The following DACH2 variants were observed in gnomAD, a reference collection of about 807,000 sequenced individuals.
DACH2 encodes dachshund homolog 2.
A neutral mutation model predicts 35.8 loss-of-function variants in DACH2; 17 were observed. The observed-to-expected ratio is 0.48, with a 90% confidence interval of 0.33 to 0.71. The LOEUF (loss-of-function observed/expected upper bound fraction) is 0.71, where lower values mean the gene tolerates loss of function less well. Among genes scored for constraint, DACH2 ranks in the 30% least tolerant of loss-of-function variants. DACH2 has a pLI of 0.02. For synonymous variants in DACH2, 195 were observed against 177.3 expected (o/e 1.10, Z -0.79); for missense variants, 469 against 472.7 (o/e 0.99, Z 0.07).
intron 2 of DACH2, among the ~76,000 whole-genome samples, chrX:86,393,141 T>C (rs2036228795): frequency 9.0e-6 from 1 of 111,427 alleles, no homozygotes; most frequent in African/African-American, 3.3e-5. Context: ...ATCTTTTAAA[T>C]CTTAAGCTAC....
At chrX:86,756,577 T>C (rs190248542) in intron 7 of DACH2, among the ~76,000 whole-genome samples, 120 of 110,979 alleles carry the variant, frequency 1.1e-3, no homozygotes, top group African/African-American at 3.8e-3. Flanking sequence ...TATTTTTGCA[T>C]GCTAATTTTT....
chrX:86,174,216 G>A (rs370391135), intron 1 of DACH2, among the ~76,000 whole-genome samples: 5 of 102,370 alleles, frequency 4.9e-5, no homozygotes, highest in African/African-American at 1.4e-4. Flanking sequence ...TTGAATTCCC[G>A]AGCTCAAGCG....
intron 1 of DACH2, among the ~76,000 whole-genome samples, chrX:86,269,644 T>G (rs2033776555): frequency 9.0e-6 from 1 of 111,557 alleles, no homozygotes; most frequent in Non-Finnish European, 1.9e-5. Context: ...GAGGAAATTT[T>G]CTGAAGAAGA....
intron 1 of DACH2, among the ~76,000 whole-genome samples, chrX:86,371,723 T>C (rs866046613): frequency 9.0e-5 from 10 of 111,030 alleles, no homozygotes; most frequent in Middle Eastern, 4.6e-3. Context: ...AGTTATCATC[T>C]AAGAGTGAGG....
At chrX:86,283,869 T>TACAC (rs780423253) in intron 1 of DACH2, among the ~76,000 whole-genome samples, 1,599 of 54,991 alleles carry the variant, frequency 0.029, 49 homozygotes, top group Admixed American at 0.18. Context: ...ACTTAAAGTA[T>TACAC]ATACACACAC....
chrX:86,619,097 G>A (rs1426720474), intron 3 of DACH2, among the ~76,000 whole-genome samples: 1 of 111,808 alleles, frequency 8.9e-6, no homozygotes, highest in Non-Finnish European at 1.9e-5. Flanking sequence ...TTTTAACAAT[G>A]TTTGCACAGA....
chrX:86,661,690 G>C (rs1376615538), intron 4 of DACH2, among the ~76,000 whole-genome samples: 12 of 112,164 alleles, frequency 1.1e-4, no homozygotes, highest in Non-Finnish European at 1.3e-4. Context: ...ATTTCTCTGG[G>C]ATATATACCA....
rs564210858 is a variant in DACH2 at position 86,181,938 on chromosome X, A to G, written c.488+32830A>G. 2.7e-5 allele frequency among the ~76,000 whole-genome samples: 3 copies of G among 112,432 alleles called. No homozygotes were observed. In the Admixed American group the frequency reaches 2.8e-4, roughly 11 times the overall value. ...ATTTGCATTTCTCTAATGACCAGTG[A>G]TGATGAGCTTTTTTTCATATGTTCA... is the stretch of plus-strand genomic sequence containing the variant. On this transcript the variant is annotated intron_variant, in intron 1 of 11. Transcript: ENST00000373125.
At chrX:86,308,144 T>G (rs1192950641) in intron 1 of DACH2, among the ~76,000 whole-genome samples, 3 of 111,902 alleles carry the variant, frequency 2.7e-5, no homozygotes, top group African/African-American at 9.7e-5. Context: ...CCTGGGAGGG[T>G]CCAGAAGATA....
chrX:86,827,876 T>TA lies in DACH2; in HGVS notation c.1751-4226dup, dbSNP rs997388953. 9 of 912,925 alleles carry TA rather than the reference T, an allele frequency of 9.9e-6. No individual in the cohort carries two copies. The African/African-American group carries it at 1.8e-4, about 18-fold the overall frequency. The allele number at this position is 912,925 out of a possible 1,213,427, so 75.2% of individuals were successfully genotyped here. A position where few individuals can be genotyped will look rare whatever the true frequency, so the allele number is the denominator to read the frequency against. ...TATTTAGAATTCATACTCAAATCCTTAAAATATGGAACCTTTAATTACTGT... is the reference window on the plus strand; with the variant it reads ...TATTTAGAATTCATACTCAAATCCTTAAAAATATGGAACCTTTAATTACTGT... On this transcript the variant is annotated intron_variant, in intron 11 of 11. Coordinates refer to ENST00000373125, the MANE Select transcript of DACH2 (RefSeq NM_053281.3).
intron 2 of DACH2, among the ~76,000 whole-genome samples, chrX:86,488,810 A>G (rs371889001): frequency 5.4e-5 from 6 of 111,853 alleles, no homozygotes; most frequent in African/African-American, 1.9e-4. Flanking sequence ...CATGGAAATA[A>G]CAATACATAT....
intron 1 of DACH2, among the ~76,000 whole-genome samples, chrX:86,323,235 G>A (rs748565555): frequency 8.0e-5 from 9 of 112,382 alleles, no homozygotes; most frequent in East Asian, 5.6e-4. Flanking sequence ...AGGTTACTTC[G>A]CCTCACAGAG....
chrX:86,252,094 G>A (rs760200092), intron 1 of DACH2, among the ~76,000 whole-genome samples: 5 of 111,396 alleles, frequency 4.5e-5, no homozygotes, highest in Middle Eastern at 4.6e-3. Flanking sequence ...GATAATTAGT[G>A]ACGTTGACCA....
chrX:86,365,866 A>T (rs761214050), intron 1 of DACH2, among the ~76,000 whole-genome samples: 2 of 111,667 alleles, frequency 1.8e-5, no homozygotes, highest in East Asian at 5.7e-4. Flanking sequence ...TGAGTTCTAT[A>T]ACAGAGGCAC....
intron 3 of DACH2, among the ~76,000 whole-genome samples, chrX:86,634,886 C>T (rs188924292): frequency 4.5e-5 from 5 of 111,288 alleles, no homozygotes; most frequent in East Asian, 5.7e-4. Flanking sequence ...AGATTCCCTG[C>T]AATCTTTATC....
intron 7 of DACH2, among the ~76,000 whole-genome samples, chrX:86,748,394 G>T (rs767101292): frequency 8.9e-6 from 1 of 112,057 alleles, no homozygotes; most frequent in African/African-American, 3.2e-5. Flanking sequence ...AAACTCGAAA[G>T]TCAAACAATT....
chrX:86,599,844 T>C (rs1006616283), intron 3 of DACH2, among the ~76,000 whole-genome samples: 2 of 110,610 alleles, frequency 1.8e-5, no homozygotes, highest in Non-Finnish European at 3.8e-5. Context: ...AATGGAACCT[T>C]CACCCTTTGA....
At chrX:86,643,915 C>T (rs2092457) in intron 3 of DACH2, among the ~76,000 whole-genome samples, 13,856 of 110,741 alleles carry the variant, frequency 0.13, 749 homozygotes, top group East Asian at 0.33. Context: ...AATTCAACAC[C>T]TCTGCATGTT....
rs868343257 is a variant in DACH2 at position 86,514,387 on chromosome X, G to A, written c.636G>A (p.Pro212=). Residue 212 remains proline, a synonymous_variant, in exon 3 of 12, where the codon CCG becomes CCA. Transcript: ENST00000373125. ...TCTTATCGCCAGGACTTATCACTCCGACAGGTAATAAAATCCATCTGATGA... is the reference window on the plus strand; with the variant it reads ...TCTTATCGCCAGGACTTATCACTCCAACAGGTAATAAAATCCATCTGATGA... The part of the protein sequence containing the change: ...PGLLSPGLIT[P]TGITAAAMAE... 26 of 1,202,851 alleles carry A rather than the reference G, an allele frequency of 2.2e-5. No individual in the cohort carries two copies. The highest frequency in any genetic ancestry group is 2.3e-4 in the Middle Eastern group (1 of 4,349).
Sources: gnomAD v4.1 joint callset for allele counts (sites outside exome capture counted in the v4.1 genomes callset) on GRCh38, gnomAD v4.1.1 for gene constraint, MANE v1.5 for transcripts, NCBI Gene and HGNC (gene_info 2026-07-23, HGNC 2026-07-21) for gene names.